KCNAB1: variants seen among roughly 807,000 people sequenced by gnomAD.
The protein encoded by KCNAB1 is potassium voltage-gated channel subfamily A regulatory beta subunit 1, also known as voltage-gated potassium channel subunit beta-1.
In KCNAB1, 35 loss-of-function variants were observed where a neutral mutation model predicts 64.6. The observed-to-expected ratio is 0.54, with a 90% confidence interval of 0.41 to 0.72. The LOEUF (loss-of-function observed/expected upper bound fraction) is 0.72, where lower values mean the gene tolerates loss of function less well. Among genes scored for constraint, KCNAB1 ranks in the 30% least tolerant of loss-of-function variants. KCNAB1 has a pLI of 0.00. For synonymous variants in KCNAB1, 177 were observed against 183.8 expected, an observed-to-expected ratio of 0.96 and a Z score of 0.30; for missense variants, 401 against 512.9, an observed-to-expected ratio of 0.78 and a Z score of 2.11.
intron 1 of KCNAB1, among the ~76,000 whole-genome samples, chr3:156,311,159 G>A (rs1721874470): frequency 6.6e-6 from 1 of 152,118 alleles, no homozygotes; most frequent in South Asian, 2.1e-4. Context: ...TAAATATGAG[G>A]TCAACATGTT....
chr3:156,189,617 T>C (rs543350978), intron 1 of KCNAB1, among the ~76,000 whole-genome samples: 7 of 151,542 alleles, frequency 4.6e-5, no homozygotes, highest in African/African-American at 1.7e-4. Flanking sequence ...TTCCTACCAT[T>C]TAAATCTCTA....
chr3:156,303,700 G>A lies in KCNAB1; in HGVS notation c.276-117916G>A, dbSNP rs3772228. Among the ~76,000 whole-genome samples, 64 of 152,260 alleles carry A rather than the reference G, an allele frequency of 4.2e-4. 1 individual carries two copies. In the East Asian group the frequency reaches 0.011, roughly 25 times the overall value. On this transcript the variant is annotated intron_variant, in intron 1 of 13. Transcript: ENST00000490337. ...GTGGCATCATCTTTATATAGATAGG[G>A]CAGTGTATTTAGAGTCAACAGTGCA...
chr3:156,483,802 G>A (rs748636667), intron 8 of KCNAB1, among the ~76,000 whole-genome samples: 11 of 152,094 alleles, frequency 7.2e-5, no homozygotes, highest in Admixed American at 7.2e-4. Flanking sequence ...TTCTGACTGT[G>A]GATCATTCTG....
intron 1 of KCNAB1, among the ~76,000 whole-genome samples, chr3:156,363,536 T>C (rs816549): frequency 0.63 from 95,904 of 151,578 alleles, 32,410 homozygotes; most frequent in African/African-American, 0.9. Flanking sequence ...GGTGCAATGG[T>C]GCAATCTCAG....
intron 1 of KCNAB1, among the ~76,000 whole-genome samples, chr3:156,144,222 A>G (rs764761405): frequency 3.9e-5 from 6 of 152,196 alleles, no homozygotes; most frequent in Non-Finnish European, 7.4e-5. Flanking sequence ...TGAAAAAACA[A>G]TTTAGCAATT....
At chr3:156,521,644 T>C (rs926236134) in intron 11 of KCNAB1, among the ~76,000 whole-genome samples, 6 of 152,062 alleles carry the variant, frequency 3.9e-5, no homozygotes, top group Non-Finnish European at 8.8e-5. Flanking sequence ...GCAAGCAGGG[T>C]TTATTACTGC....
chr3:156,179,773 T>C (rs1183664860), intron 1 of KCNAB1, among the ~76,000 whole-genome samples: 1 of 152,204 alleles, frequency 6.6e-6, no homozygotes, highest in Non-Finnish European at 1.5e-5. Context: ...ATTGAATTGC[T>C]TCAAATACTG....
chr3:156,377,258 C>A (rs1269468334), intron 1 of KCNAB1, among the ~76,000 whole-genome samples: 1 of 152,048 alleles, frequency 6.6e-6, no homozygotes, highest in African/African-American at 2.4e-5. Context: ...GATCATGTAC[C>A]CCTTCCTGAC....
chr3:156,508,074 GT>G lies in KCNAB1; in HGVS notation c.659-6284del, dbSNP rs571077161. 1.3e-5 allele frequency among the ~76,000 whole-genome samples: 2 copies of G among 151,992 alleles called. No homozygotes were observed. Among genetic ancestry groups the G allele is most frequent in the Non-Finnish European group, 2.9e-5 (2 of 67,974 alleles). The stretch of plus-strand genomic sequence containing the variant: ...ACTAAATAATACAATTATTTTGCAT[GT>G]TTTTTCTCAGTATTTTGCAAGCATA... On this transcript the variant is annotated intron_variant, in intron 8 of 13. Coordinates refer to ENST00000490337, the MANE Select transcript of KCNAB1 (RefSeq NM_172160.3). This position sits in a 1 kb window ranked among gnomAD's most constrained non-coding sequence, Gnocchi z 4.1.
intron 8 of KCNAB1, among the ~76,000 whole-genome samples, chr3:156,510,800 C>G (rs572190299): frequency 6.6e-6 from 1 of 152,178 alleles, no homozygotes; most frequent in Non-Finnish European, 1.5e-5. Context: ...GGGCATGGCT[C>G]CCTCTTGAAG....
intron 3 of KCNAB1, chr3:156,455,904 A>G (rs955198503): frequency 1.3e-5 from 2 of 152,182 alleles, no homozygotes; most frequent in Non-Finnish European, 2.9e-5. Flanking sequence ...ACTTCTCCTC[A>G]TATCTCATTG....
At chr3:156,183,357 C>T (rs911746113) in intron 1 of KCNAB1, among the ~76,000 whole-genome samples, 5 of 152,142 alleles carry the variant, frequency 3.3e-5, no homozygotes, top group African/African-American at 7.2e-5. Flanking sequence ...ATTGAGGCCA[C>T]GGGATTCGGT....
At chr3:156,284,560 C>A (rs1455617562) in intron 1 of KCNAB1, among the ~76,000 whole-genome samples, 3 of 152,210 alleles carry the variant, frequency 2.0e-5, no homozygotes, top group South Asian at 4.1e-4. Flanking sequence ...GCTCCCCTCC[C>A]CCAGCCTCGC....
At chr3:156,209,029 A>G (rs749761846) in intron 1 of KCNAB1, among the ~76,000 whole-genome samples, 4 of 152,242 alleles carry the variant, frequency 2.6e-5, no homozygotes, top group African/African-American at 4.8e-5. Context: ...TCATGTATTT[A>G]GTGTTAAAAG....
chr3:156,526,952 G>A (rs1270671011), intron 12 of KCNAB1, among the ~76,000 whole-genome samples: 1 of 152,004 alleles, frequency 6.6e-6, no homozygotes, highest in Non-Finnish European at 1.5e-5. Context: ...TCAAGATAAG[G>A]TCTATGCAAA....
intron 1 of KCNAB1, among the ~76,000 whole-genome samples, chr3:156,147,321 GA>G (rs1201399824): frequency 1.3e-5 from 2 of 152,178 alleles, no homozygotes; most frequent in Non-Finnish European, 2.9e-5. Flanking sequence ...TTTGTGTAAG[GA>G]ATAATATCCT....
chr3:156,394,734 C>T (rs1229214267), intron 1 of KCNAB1, among the ~76,000 whole-genome samples: 1 of 152,212 alleles, frequency 6.6e-6, no homozygotes, highest in Non-Finnish European at 1.5e-5. Context: ...ATCCTAGTAA[C>T]TGCCGATTAA....
chr3:156,394,655 A>G (rs1342517859), intron 1 of KCNAB1, among the ~76,000 whole-genome samples: 1 of 152,232 alleles, frequency 6.6e-6, no homozygotes, highest in East Asian at 1.9e-4. Flanking sequence ...TGTCCCATAT[A>G]GATGACGTTA....
chr3:156,525,824 T>C (rs1718275625), intron 12 of KCNAB1, among the ~76,000 whole-genome samples: 1 of 152,256 alleles, frequency 6.6e-6, no homozygotes, highest in Admixed American at 6.5e-5. Context: ...AAAAGCTTTT[T>C]TAAATTAAAA....
Sources: gnomAD v4.1 joint callset for allele counts (sites outside exome capture counted in the v4.1 genomes callset) on GRCh38, gnomAD v4.1.1 for gene constraint, Gnocchi (gnomAD v3.1) non-coding constraint, MANE v1.5 for transcripts, NCBI Gene and HGNC (gene_info 2026-07-23, HGNC 2026-07-21) for gene names.